The following RALGDS variants were observed in gnomAD, a reference collection of about 807,000 sequenced individuals.
RALGDS encodes the protein ral guanine nucleotide dissociation stimulator.
Under a neutral mutation model 99.8 loss-of-function variants are expected in RALGDS, and 44 were observed. The ratio of observed to expected loss-of-function variants is 0.44; its 90% CI spans 0.35 to 0.57. RALGDS has a LOEUF of 0.57. Ranked by LOEUF, RALGDS falls within the 20% of genes least tolerant of loss-of-function variation. RALGDS has a pLI of 0.01. For missense variants in RALGDS, 1,022 were observed against 1,203.1 expected (o/e 0.85, Z 2.23); for synonymous variants, 529 against 505.0 (o/e 1.05, Z -0.64).
At chr9:133,125,538 A>G (rs902268494), upstream of RALGDS, among the ~76,000 whole-genome samples, 1 of 152,200 alleles carries the variant, frequency 6.6e-6, no homozygotes, top group Non-Finnish European at 1.5e-5. Flanking sequence ...GTTCAAGACC[A>G]GCCTGGCCAA....
chr9:133,137,939 C>T (rs1390406942), intron 1 of RALGDS, among the ~76,000 whole-genome samples: 1 of 152,228 alleles, frequency 6.6e-6, no homozygotes, highest in Admixed American at 6.5e-5. Context: ...GCCCCTGTGT[C>T]CAGCAGGCCC....
chr9:133,104,877 T>A (rs895828576), intron 9 of RALGDS, among the ~76,000 whole-genome samples: 1 of 152,168 alleles, frequency 6.6e-6, no homozygotes, highest in Non-Finnish European at 1.5e-5. Context: ...AGTCCTGTTA[T>A]GGCTGCACAC....
chr9:133,112,045 G>C lies in RALGDS; in HGVS notation c.291C>G (p.Leu97=). 6.4e-7 allele frequency: 1 copy of C among 1,572,402 alleles called. No homozygotes were observed. Among genetic ancestry groups the C allele is most frequent in the Non-Finnish European group, 8.6e-7 (1 of 1,157,818 alleles). ...HHGGNKGQRW[L]GYENESALNL... ...TGGAGACCCCGAGCGCACTCACCCC[G>C]AGCCAGCGCTGCCCCTTGTTGCCTC... The change falls in exon 2 of 18, where the codon CTC becomes CTG. Residue 97 remains leucine (L), a synonymous_variant. Coordinates refer to ENST00000372050, the MANE Select transcript of RALGDS (RefSeq NM_006266.4).
intron 1 of RALGDS, among the ~76,000 whole-genome samples, chr9:133,142,857 G>A (rs1832547962): frequency 6.6e-6 from 1 of 152,246 alleles, no homozygotes; most frequent in Non-Finnish European, 1.5e-5. Flanking sequence ...CTGACCGTTG[G>A]AAGGCCACTG....
At chr9:133,109,091 T>G (rs1418760182) in intron 4 of RALGDS, among the ~76,000 whole-genome samples, 2 of 152,144 alleles carry the variant, frequency 1.3e-5, no homozygotes, top group Non-Finnish European at 2.9e-5. Flanking sequence ...CACCCCCTCC[T>G]CGCTGGAATG....
chr9:133,100,436 C>G, intron 16 of RALGDS, 54 bp from the exon 17 acceptor site: 1 of 1,610,304 alleles, frequency 6.2e-7, no homozygotes, highest in Non-Finnish European at 8.5e-7. Context: ...AGCGGCTCCC[C>G]CAGAGTGCAG....
At chr9:133,135,677 G>A (rs562314898), upstream of RALGDS, among the ~76,000 whole-genome samples, 1 of 152,354 alleles carries the variant, frequency 6.6e-6, no homozygotes, top group East Asian at 1.9e-4. Flanking sequence ...TGGCTGGGTG[G>A]AGCTGGGTGA....
At position 133,106,692 on chromosome 9, in the gene RALGDS, C is replaced by T; in HGVS notation, c.1470G>A (p.Gln490=). The T allele has an allele frequency of 1.9e-6, 3 of 1,612,914 alleles. No individual in the cohort carries two copies. Among genetic ancestry groups the T allele is most frequent in the Non-Finnish European group, 2.5e-6 (3 of 1,179,692 alleles). Reference sequence around the variant, plus strand: ...TCTTCAGACGGTGGATGGAGTTGCTCTGCAGGGCAGAGAGGATGGCATACA... The same window carrying T: ...TCTTCAGACGGTGGATGGAGTTGCTTTGCAGGGCAGAGAGGATGGCATACA... ...SSLYAILSAL[Q]SNSIHRLKKT... The change falls in exon 8 of 18, where the codon CAG becomes CAA. Residue 490 remains glutamine (Q), a synonymous_variant. Transcript: ENST00000372050.
At chr9:133,129,425 G>T (rs1351713014) in intron 1 of RALGDS, 15 of 1,411,382 alleles carry the variant, frequency 1.1e-5, no homozygotes, top group African/African-American at 1.5e-5. Context: ...GCCTGGGCCT[G>T]GTGTCACCCG....
At position 133,140,680 on chromosome 9, in the gene RALGDS, G is replaced by T. The variant is rs73560405; in HGVS notation, c.18+8283C>A. ...GAGGGGAGGCCAACGTGGGGGAGGG[G>T]GTGGGGAAGGTCCTTAGTGCAGCAC... On this transcript the variant is annotated intron_variant, in intron 1 of 17. Coordinates refer to the RALGDS transcript ENST00000393160. 3.5e-3 allele frequency among the ~76,000 whole-genome samples: 526 copies of T among 152,228 alleles called. 4 individuals are homozygous for T. The highest frequency in any genetic ancestry group is 0.012 in the African/African-American group (488 of 41,548).
chr9:133,132,369 C>T (rs369304840), upstream of RALGDS, among the ~76,000 whole-genome samples: 17 of 152,076 alleles, frequency 1.1e-4, no homozygotes, highest in African/African-American at 3.9e-4. Context: ...CCTCTCACCC[C>T]GGTGTTGCTG....
At chr9:133,115,092 C>T (rs1270357745) in intron 1 of RALGDS, among the ~76,000 whole-genome samples, 1 of 152,242 alleles carries the variant, frequency 6.6e-6, no homozygotes, top group Non-Finnish European at 1.5e-5. Context: ...CAAACCCAGA[C>T]TCCCTCTGGG....
At chr9:133,106,571 G>T in intron 8 of RALGDS, 74 bp downstream of exon 8, 1 of 1,191,006 alleles carries the variant, frequency 8.4e-7, no homozygotes, top group Non-Finnish European at 1.2e-6. Context: ...CCTCCCATGG[G>T]CTCACTAAGG....
intron 7 of RALGDS, 139 bp from the exon 8 acceptor site, chr9:133,106,887 G>A: frequency 1.1e-6 from 1 of 901,206 alleles, no homozygotes; most frequent in Non-Finnish European, 1.8e-6. Flanking sequence ...GCGACCCGGG[G>A]GTGACAGGAG....
At chr9:133,145,842 C>T (rs1233281069) in intron 1 of RALGDS, among the ~76,000 whole-genome samples, 1 of 152,194 alleles carries the variant, frequency 6.6e-6, no homozygotes, top group Non-Finnish European at 1.5e-5. Context: ...TACTACAAAA[C>T]CTGTTAGCTG....
chr9:133,117,663 C>G (rs1191936404), intron 1 of RALGDS, among the ~76,000 whole-genome samples: 1 of 152,240 alleles, frequency 6.6e-6, no homozygotes, highest in Non-Finnish European at 1.5e-5. Flanking sequence ...GGGAACACTG[C>G]TCTGCTGTTG....
chr9:133,137,081 A>G (rs7029009), intron 1 of RALGDS, among the ~76,000 whole-genome samples: 6,003 of 152,170 alleles, frequency 0.039, 386 homozygotes, highest in African/African-American at 0.14. Flanking sequence ...CTAAAAATAC[A>G]AAAAATAGAC....
chr9:133,099,952 T>C (rs537568629), intron 17 of RALGDS: 20 of 418,190 alleles, frequency 4.8e-5, no homozygotes, highest in Middle Eastern at 6.8e-4. Context: ...ACATGTTTTC[T>C]TGTCTTAGCC....
rs1377038213 is a variant in RALGDS, at chr9:133,120,599, G to A, written c.183+373C>T. Among the ~76,000 whole-genome samples, 3 of 152,310 alleles carry A rather than the reference G, an allele frequency of 2.0e-5. No individual in the cohort carries two copies. The East Asian group carries it at 5.8e-4, about 29-fold the overall frequency. ...CACCTGCATCGTAAAGGCTAACGAC[G>A]CGCTGCGGGCCCTGGGTGGGAACTG... On this transcript the variant is annotated intron_variant, in intron 1 of 17. Coordinates refer to ENST00000372050, the MANE Select transcript of RALGDS (RefSeq NM_006266.4).
Sources: gnomAD v4.1 joint callset for allele counts (sites outside exome capture counted in the v4.1 genomes callset) on GRCh38, gnomAD v4.1.1 for gene constraint, MANE v1.5 for transcripts, NCBI Gene and HGNC (gene_info 2026-07-23, HGNC 2026-07-21) for gene names.